CADM2: variants seen among roughly 807,000 people sequenced by gnomAD.
The protein encoded by CADM2 is immunoglobulin superfamily member 4D.
CADM2 carries 12 observed loss-of-function variants against 49.8 expected under a neutral mutation model. The ratio of observed to expected loss-of-function variants is 0.24; its 90% CI spans 0.15 to 0.39. The LOEUF is 0.39. Among genes scored for constraint, CADM2 ranks in the 10% least tolerant of loss-of-function variants. The probability of loss-of-function intolerance (pLI) is 1.00; values close to 1 mark genes in which losing one functional copy is unlikely to be tolerated. For missense variants in CADM2, 378 were observed against 492.3 expected, an observed-to-expected ratio of 0.77 and a Z score of 2.20; for synonymous variants, 214 against 175.4, an observed-to-expected ratio of 1.22 and a Z score of -1.74.
At chr3:85,017,507 G>A (rs2034304265) in intron 1 of CADM2, among the ~76,000 whole-genome samples, 1 of 152,112 alleles carries the variant, frequency 6.6e-6, no homozygotes. Context: ...CTCCAGTTAA[G>A]TTCTCATTTC....
intron 1 of CADM2, among the ~76,000 whole-genome samples, chr3:85,167,961 G>A (rs2040516939): frequency 6.6e-6 from 1 of 151,932 alleles, no homozygotes; most frequent in Non-Finnish European, 1.5e-5. Context: ...TAGACTCCCT[G>A]CATCCTAGAG....
intron 2 of CADM2, among the ~76,000 whole-genome samples, chr3:85,746,702 T>A (rs1281188740): frequency 6.6e-6 from 1 of 152,108 alleles, no homozygotes; most frequent in Non-Finnish European, 1.5e-5. Context: ...GAGGAAAAAT[T>A]TCTCAGGAAT....
chr3:86,013,808 G>C (rs182256057), intron 8 of CADM2: 3 of 1,589,076 alleles, frequency 1.9e-6, no homozygotes, highest in Non-Finnish European at 2.6e-6. Flanking sequence ...TAAATATGAA[G>C]CATTGTCGTG....
At chr3:85,102,421 T>G (rs2038051336) in intron 1 of CADM2, among the ~76,000 whole-genome samples, 1 of 152,186 alleles carries the variant, frequency 6.6e-6, no homozygotes, top group African/African-American at 2.4e-5. Context: ...AAAAAGATTT[T>G]GATGTTTAAT....
intron 1 of CADM2, among the ~76,000 whole-genome samples, chr3:85,431,913 A>AAGAGGTG (rs1399631810): frequency 1.6e-4 from 18 of 112,082 alleles, no homozygotes; most frequent in Admixed American, 8.4e-4. Flanking sequence ...AATGAAGAGG[A>AAGAGGTG]AGAGGTGAGG....
chr3:85,757,926 A>G (rs1029357775), intron 2 of CADM2, among the ~76,000 whole-genome samples: 7 of 152,172 alleles, frequency 4.6e-5, no homozygotes, highest in Non-Finnish European at 5.9e-5. Flanking sequence ...TAATAATCAA[A>G]TGGAAGTTTT....
At chr3:85,131,633 C>T (rs550043418) in intron 1 of CADM2, among the ~76,000 whole-genome samples, 114 of 152,200 alleles carry the variant, frequency 7.5e-4, no homozygotes, top group African/African-American at 2.7e-3. Context: ...CATTAATATT[C>T]TCCATTTTTA....
intron 1 of CADM2, among the ~76,000 whole-genome samples, chr3:85,505,055 C>G (rs1052391301): frequency 4.6e-5 from 7 of 152,158 alleles, no homozygotes; most frequent in Admixed American, 4.6e-4. Flanking sequence ...GCTGGCGCCT[C>G]TCCCTCCACA....
chr3:85,500,884 T>A (rs973730511), intron 1 of CADM2, among the ~76,000 whole-genome samples: 2 of 151,020 alleles, frequency 1.3e-5, no homozygotes, highest in African/African-American at 5.0e-5. Flanking sequence ...GTCACTGAAA[T>A]TTCTCAAGGT....
intron 3 of CADM2, among the ~76,000 whole-genome samples, chr3:85,845,969 G>A (rs1056345604): frequency 6.6e-6 from 1 of 152,084 alleles, no homozygotes; most frequent in African/African-American, 2.4e-5. Flanking sequence ...ATAGAGCTGG[G>A]GTTCTACTGG....
chr3:85,690,434 G>A (rs2066346890), intron 1 of CADM2, among the ~76,000 whole-genome samples: 2 of 151,598 alleles, frequency 1.3e-5, no homozygotes, highest in South Asian at 4.2e-4. Flanking sequence ...GAAAAACACA[G>A]GTCCTATAAG....
intron 3 of CADM2, among the ~76,000 whole-genome samples, chr3:85,845,438 A>G (rs1008052574): frequency 2.6e-5 from 4 of 152,124 alleles, no homozygotes; most frequent in Admixed American, 6.5e-5. Flanking sequence ...TTCAATCCAG[A>G]TCACTTACCA....
chr3:85,252,595 G>T (rs1257004487), intron 1 of CADM2, among the ~76,000 whole-genome samples: 4 of 151,890 alleles, frequency 2.6e-5, no homozygotes, highest in African/African-American at 9.7e-5. Context: ...TATTTTATGG[G>T]AATTACTTTA....
At chr3:85,334,103 T>C (rs1303479229) in intron 1 of CADM2, among the ~76,000 whole-genome samples, 1 of 151,606 alleles carries the variant, frequency 6.6e-6, no homozygotes, top group Non-Finnish European at 1.5e-5. Flanking sequence ...TAAAAATAAT[T>C]TGAAGACCTG....
chr3:85,378,848 G>A (rs1445501989), intron 1 of CADM2, among the ~76,000 whole-genome samples: 1 of 151,614 alleles, frequency 6.6e-6, no homozygotes, highest in African/African-American at 2.4e-5. Context: ...GAAATGAAAC[G>A]CTACCTGTTC....
intron 1 of CADM2, among the ~76,000 whole-genome samples, chr3:85,711,187 A>G (rs980560180): frequency 5.9e-5 from 9 of 152,178 alleles, no homozygotes; most frequent in South Asian, 2.1e-4. Flanking sequence ...ATTATTGTTC[A>G]ATAGATAATA....
intron 8 of CADM2, among the ~76,000 whole-genome samples, chr3:85,966,173 T>C (rs77590170): frequency 1.3e-5 from 2 of 151,720 alleles, no homozygotes; most frequent in South Asian, 2.1e-4. Flanking sequence ...AGAAATACAG[T>C]AATACCAGCA....
In CADM2 at chr3:85,399,935, G is replaced by C. The variant is rs569629808; in HGVS notation, c.62-326587G>C. ...GCAAACAGGGACAATTTGACTTCCT[G>C]TTTTCCTAATTGAATACCCTTTATT... On this transcript the variant is annotated intron_variant, in intron 1 of 9. Coordinates refer to ENST00000383699, the MANE Select transcript of CADM2 (RefSeq NM_001167675.2). Among the ~76,000 whole-genome samples the C allele has an allele frequency of 5.7e-4, 86 of 152,182 alleles. 2 individuals are homozygous for C. Among genetic ancestry groups the C allele is most frequent in the Middle Eastern group, 3.4e-3 (1 of 294 alleles).
chr3:85,418,303 A>G (rs756255623), intron 1 of CADM2, among the ~76,000 whole-genome samples: 1 of 152,140 alleles, frequency 6.6e-6, no homozygotes, highest in Admixed American at 6.5e-5. Context: ...TAATAATAAT[A>G]TATCAATTTT....
Sources: gnomAD v4.1 joint callset for allele counts (sites outside exome capture counted in the v4.1 genomes callset) on GRCh38, gnomAD v4.1.1 for gene constraint, MANE v1.5 for transcripts, NCBI Gene and HGNC (gene_info 2026-07-23, HGNC 2026-07-21) for gene names.